The following AMMECR1 variants were observed in gnomAD, a reference collection of about 807,000 sequenced individuals.
The protein encoded by AMMECR1 is AMMECR nuclear protein 1.
A neutral mutation model predicts 22.5 loss-of-function variants in AMMECR1; 3 were observed. The observed-to-expected ratio is 0.13, with a 90% CI of 0.06 to 0.35. The LOEUF is 0.35. Among genes scored for constraint, AMMECR1 ranks in the 10% least tolerant of loss-of-function variants. The probability of loss-of-function intolerance (pLI) is 1.00; values close to 1 mark genes in which losing one functional copy is unlikely to be tolerated. For missense variants in AMMECR1, 235 were observed against 278.7 expected, an observed-to-expected ratio of 0.84 and a Z score of 1.12; for synonymous variants, 130 against 116.7, an observed-to-expected ratio of 1.11 and a Z score of -0.74.
intron 2 of AMMECR1, among the ~76,000 whole-genome samples, chrX:110,260,206 C>T (rs1399401492): frequency 9.0e-6 from 1 of 111,606 alleles, no homozygotes; most frequent in Non-Finnish European, 1.9e-5. Context: ...TACCCAGATC[C>T]TTCAAGGTCA....
intron 2 of AMMECR1, among the ~76,000 whole-genome samples, chrX:110,390,575 G>A (rs921402272): frequency 4.5e-5 from 5 of 111,209 alleles, no homozygotes; most frequent in African/African-American, 1.6e-4. Context: ...CTCCACTACT[G>A]TAGATCCAAA....
At chrX:110,247,697 A>AC (rs1333009196) in intron 2 of AMMECR1, among the ~76,000 whole-genome samples, 4 of 110,805 alleles carry the variant, frequency 3.6e-5, no homozygotes, top group African/African-American at 1.3e-4. Flanking sequence ...GTCTCAAAAA[A>AC]AAAAAAACAA....
chrX:110,260,634 AG>A (rs2067735711), intron 2 of AMMECR1, among the ~76,000 whole-genome samples: 1 of 111,577 alleles, frequency 9.0e-6, no homozygotes, highest in East Asian at 2.8e-4. Flanking sequence ...TTTTTAAGAA[AG>A]GTTTTAGAGT....
chrX:110,239,357 G>T (rs1043882684), intron 2 of AMMECR1, among the ~76,000 whole-genome samples: 6 of 110,398 alleles, frequency 5.4e-5, no homozygotes, highest in Admixed American at 9.7e-5. Flanking sequence ...GAACATAAAT[G>T]ACCTGATGGA....
chrX:110,234,998 C>T (rs1397563751), intron 2 of AMMECR1, among the ~76,000 whole-genome samples: 1 of 112,015 alleles, frequency 8.9e-6, no homozygotes, highest in African/African-American at 3.2e-5. Context: ...ATTAAACTAA[C>T]GAGCTTCTGC....
chrX:110,257,731 T>C (rs930941719), intron 2 of AMMECR1, among the ~76,000 whole-genome samples: 3 of 111,649 alleles, frequency 2.7e-5, no homozygotes, highest in African/African-American at 6.5e-5. Context: ...ATAACAGATA[T>C]AGAGTAGTAA....
chrX:110,267,246 T>G (rs2067774662), intron 1 of AMMECR1, among the ~76,000 whole-genome samples: 1 of 111,059 alleles, frequency 9.0e-6, no homozygotes, highest in Non-Finnish European at 1.9e-5. Context: ...TAGTTCTAGA[T>G]CCTTAAGGAA....
At chrX:110,299,556 G>A (rs922649979) in intron 1 of AMMECR1, among the ~76,000 whole-genome samples, 2 of 111,815 alleles carry the variant, frequency 1.8e-5, no homozygotes, top group African/African-American at 3.2e-5. Flanking sequence ...AGATCAAGGT[G>A]TACAACATAA....
chrX:110,283,774 G>T (rs2067864869), intron 1 of AMMECR1, among the ~76,000 whole-genome samples: 1 of 111,880 alleles, frequency 8.9e-6, no homozygotes, highest in African/African-American at 3.3e-5. Flanking sequence ...CGTAGCACCT[G>T]GTAAGGGTCT....
intron 1 of AMMECR1, among the ~76,000 whole-genome samples, chrX:110,279,832 T>C (rs1201297644): frequency 8.9e-6 from 1 of 112,037 alleles, no homozygotes; most frequent in Non-Finnish European, 1.9e-5. Context: ...ACCAGGTTTC[T>C]ATTGCTGAAA....
At chrX:110,309,856 T>C in intron 1 of AMMECR1, among the ~76,000 whole-genome samples, 1 of 112,727 alleles carries the variant, frequency 8.9e-6, no homozygotes, top group East Asian at 2.8e-4. Context: ...AGTTCTGAAA[T>C]TATGAATTCC....
intron 2 of AMMECR1, among the ~76,000 whole-genome samples, chrX:110,342,430 G>A (rs2148239065): frequency 9.0e-6 from 1 of 110,958 alleles, no homozygotes; most frequent in South Asian, 3.9e-4. Flanking sequence ...GAGTGCAGTG[G>A]CCGCAATCTC....
At chrX:110,361,958 G>T (rs1298825440) in intron 2 of AMMECR1, among the ~76,000 whole-genome samples, 1 of 111,688 alleles carries the variant, frequency 9.0e-6, no homozygotes, top group Admixed American at 9.5e-5. Flanking sequence ...CAGGGAGCGG[G>T]CTAGATTTAG....
chrX:110,327,802 C>T (rs751494376), intron 2 of AMMECR1, among the ~76,000 whole-genome samples: 1 of 111,740 alleles, frequency 8.9e-6, no homozygotes, highest in South Asian at 3.8e-4. Flanking sequence ...GTGAAATATA[C>T]TTACAAGCAA....
intron 2 of AMMECR1, among the ~76,000 whole-genome samples, chrX:110,373,682 G>A (rs966415758): frequency 1.8e-5 from 2 of 112,038 alleles, no homozygotes; most frequent in South Asian, 3.7e-4. Flanking sequence ...TCATCTTTTT[G>A]TAGCCCTCAT....
intron 1 of AMMECR1, among the ~76,000 whole-genome samples, chrX:110,279,318 A>G (rs1355071073): frequency 8.9e-6 from 1 of 112,802 alleles, no homozygotes; most frequent in Non-Finnish European, 1.9e-5. Flanking sequence ...AACTATTGCA[A>G]TTAGTTATTT....
In AMMECR1 at chrX:110,317,765, C is replaced by A. The variant is rs1198939212; in HGVS notation, c.307G>T (p.Ala103Ser). 5.1e-6 allele frequency: 6 copies of A among 1,179,701 alleles called. No homozygotes were observed. The highest frequency in any genetic ancestry group is 1.8e-5 in the African/African-American group (1 of 56,419). The change falls in exon 1 of 6, where the codon GCC becomes TCC. Residue 103 changes from alanine (A) to serine (S), a missense_variant. By Grantham distance (99) the Ala-to-Ser change is moderately conservative (BLOSUM62 1). Around this residue, in one of 2 missense-constraint regions of AMMECR1, gnomAD observed 124 missense variants for 97.0 expected, o/e 1.28. Coordinates refer to ENST00000262844, the MANE Select transcript of AMMECR1 (RefSeq NM_015365.3). The stretch of plus-strand genomic sequence containing the variant: ...GATGAGGAGGGTGAGGAAGAGGTGG[C>A]GGCGGCCGGGGTAGAAAGTAGGGTC... ...VGTLLSTPAAATSSSPSSSSA... is the reference protein window; with the variant it reads ...VGTLLSTPAASTSSSPSSSSA...
At chrX:110,327,030 G>A (rs984248247) in intron 2 of AMMECR1, among the ~76,000 whole-genome samples, 2 of 111,924 alleles carry the variant, frequency 1.8e-5, no homozygotes, top group Non-Finnish European at 3.8e-5. Flanking sequence ...ATATTGGCAT[G>A]GAAAAGATAA....
Position 110,202,479 on chromosome X carries a change from C to T in AMMECR1, c.757G>A (p.Ala253Thr). The T allele has an allele frequency of 2.5e-6, 3 of 1,208,305 alleles. No homozygotes were observed. Among genetic ancestry groups the T allele is most frequent in the African/African-American group, 1.7e-5 (1 of 57,638 alleles). The change falls in exon 4 of 6, where the codon GCC becomes ACC. Residue 253 changes from alanine to threonine, a missense_variant. Coordinates refer to ENST00000262844, the MANE Select transcript of AMMECR1 (RefSeq NM_015365.3). ...TTTGCAACCTCCGGTAGGTAGGTGG[C>T]GGTGCGTTTTGATCCTTTTTCATTG... Reference protein sequence around the residue: ...FINEKGSKRTATYLPEVAKEQ... With the variant: ...FINEKGSKRTTTYLPEVAKEQ...
Sources: gnomAD v4.1 joint callset for allele counts (sites outside exome capture counted in the v4.1 genomes callset) on GRCh38, gnomAD v4.1.1 for gene constraint, gnomAD v4.1.1 regional missense constraint, MANE v1.5 for transcripts, NCBI Gene and HGNC (gene_info 2026-07-23, HGNC 2026-07-21) for gene names.